NWD2: variants seen among roughly 807,000 people sequenced by gnomAD.
NWD2 encodes the protein NACHT and WD repeat domain containing 2.
A neutral mutation model predicts 132.7 loss-of-function variants in NWD2; 37 were observed. That is an observed-to-expected ratio of 0.28 (90% CI 0.21 to 0.37). The LOEUF (loss-of-function observed/expected upper bound fraction) is 0.37. Among genes scored for constraint, NWD2 ranks in the 10% least tolerant of loss-of-function variants. The pLI, the probability that NWD2 is intolerant of heterozygous loss-of-function variation, is 1.00. For synonymous variants in NWD2, 705 were observed against 803.0 expected, an observed-to-expected ratio of 0.88 and a Z score of 2.06; for missense variants, 1,592 against 2,122.4, an observed-to-expected ratio of 0.75 and a Z score of 4.91.
chr4:37,256,778 T>C (rs1263017812), intron 1 of NWD2, among the ~76,000 whole-genome samples: 1 of 152,144 alleles, frequency 6.6e-6, no homozygotes, highest in African/African-American at 2.4e-5. Flanking sequence ...CTCTCTCCTC[T>C]AAGAAGCTAC....
intron 1 of NWD2, among the ~76,000 whole-genome samples, chr4:37,250,767 G>A (rs966607473): frequency 4.6e-5 from 7 of 152,162 alleles, no homozygotes; most frequent in East Asian, 1.9e-4. Flanking sequence ...TATGTTCTGG[G>A]AAATGTGTCC....
At chr4:37,398,829 T>C (rs1356902483) in intron 3 of NWD2, among the ~76,000 whole-genome samples, 3 of 152,222 alleles carry the variant, frequency 2.0e-5, no homozygotes, top group African/African-American at 7.2e-5. Flanking sequence ...TTGCTTTTTT[T>C]TTCCACATTA....
rs1357360674 is a variant in NWD2, at chr4:37,446,397, C to T, written c.4409C>T (p.Thr1470Ile). Residue 1470 changes from threonine (T) to isoleucine (I), a missense_variant, in exon 7 of 7, where the codon ACC becomes ATC. Around this residue, in one of 7 missense-constraint regions of NWD2, gnomAD observed 24 missense variants for 65.2 expected, o/e 0.37. Transcript: ENST00000309447. The surrounding 1 kb of genome is among the most constrained non-coding windows in gnomAD (Gnocchi z 6.7). Reference protein sequence around the residue: ...LAVSLWTGSITKKFCCEDGTT... With the variant: ...LAVSLWTGSIIKKFCCEDGTT... ...GTCAGTCTTTGGACAGGAAGTATCA[C>T]CAAGAAATTTTGCTGTGAAGATGGG... is the stretch of plus-strand genomic sequence containing the variant. 5 of 1,551,626 alleles carry T rather than the reference C, an allele frequency of 3.2e-6. No individual in the cohort carries two copies. Among genetic ancestry groups the T allele is most frequent in the Non-Finnish European group, 4.4e-6 (5 of 1,147,024 alleles).
At position 37,444,664 on chromosome 4, in the gene NWD2, G is replaced by A; in HGVS notation, c.2676G>A (p.Leu892=). Residue 892 remains leucine (L), a synonymous_variant, in exon 7 of 7, where the codon CTG becomes CTA. Coordinates refer to ENST00000309447, the MANE Select transcript of NWD2 (RefSeq NM_001144990.2). This position sits in a 1 kb window ranked among gnomAD's most constrained non-coding sequence, Gnocchi z 4.8. ...NYSQEKELKF[L]ANTLRSIKNK... is the part of the protein sequence containing the mutation. ...CGCAAGAGAAGGAGCTGAAGTTCCT[G>A]GCCAACACCCTCCGCAGCATCAAAA... 1 of 1,552,156 alleles carries A rather than the reference G, an allele frequency of 6.4e-7. No homozygotes were observed. Among genetic ancestry groups the A allele is most frequent in the African/African-American group, 1.4e-5 (1 of 73,138 alleles).
intron 1 of NWD2, among the ~76,000 whole-genome samples, chr4:37,314,036 A>C (rs1718908748): frequency 6.6e-6 from 1 of 152,056 alleles, no homozygotes; most frequent in Non-Finnish European, 1.5e-5. Flanking sequence ...TGATTTTGTC[A>C]AATGCTTTTT....
At chr4:37,348,930 G>A (rs186564405) in intron 2 of NWD2, among the ~76,000 whole-genome samples, 171 of 151,644 alleles carry the variant, frequency 1.1e-3, no homozygotes, top group African/African-American at 4.0e-3. Context: ...GAGACATGTC[G>A]TGTTTGGTTT....
rs993184087 is a variant in NWD2 at position 37,405,561 on chromosome 4, C to A, written c.358-25011C>A. On this transcript the variant is annotated intron_variant, in intron 3 of 6. Transcript: ENST00000309447. ...GGTGAAAGAAATTACTGAATCCACT[C>A]CCAGAATTTCTGATTCTATAGGTCT... is the stretch of plus-strand genomic sequence containing the variant. Among the ~76,000 whole-genome samples the A allele has an allele frequency of 5.3e-5, 8 of 152,318 alleles. No homozygotes were observed. In the East Asian group the frequency reaches 7.7e-4, roughly 15 times the overall value.
At chr4:37,321,841 G>A (rs534115681) in intron 1 of NWD2, among the ~76,000 whole-genome samples, 1 of 152,054 alleles carries the variant, frequency 6.6e-6, no homozygotes, top group Non-Finnish European at 1.5e-5. Context: ...TAAGAGCACA[G>A]AAAACCCATT....
Position 37,439,302 on chromosome 4 carries a change from C to T in NWD2, c.1208C>T (p.Pro403Leu). Residue 403 changes from proline (P) to leucine (L), a missense_variant, in exon 6 of 7, where the codon CCA becomes CTA. By Grantham distance (98) the Pro-to-Leu change is moderately conservative. Coordinates refer to ENST00000309447, the MANE Select transcript of NWD2 (RefSeq NM_001144990.2). This position sits in a 1 kb window ranked among gnomAD's most constrained non-coding sequence, Gnocchi z 4.5. ...AACATAGTGCATAACTACATTCTTC[C>T]AAGCAAAGCTGGACACATCAACCCT... ...SLNIVHNYILPSKAGHINPLI... is the reference protein window; with the variant it reads ...SLNIVHNYILLSKAGHINPLI... 4.5e-6 allele frequency: 7 copies of T among 1,550,722 alleles called. No individual in the cohort carries two copies. The highest frequency in any genetic ancestry group is 5.2e-6 in the Non-Finnish European group (6 of 1,146,762).
intron 1 of NWD2, among the ~76,000 whole-genome samples, chr4:37,256,284 G>C (rs1325730619): frequency 6.6e-6 from 1 of 152,144 alleles, no homozygotes; most frequent in Non-Finnish European, 1.5e-5. Context: ...GTTTTATTTG[G>C]GCAAAGCAGA....
chr4:37,362,894 A>G (rs1720009196), intron 3 of NWD2, among the ~76,000 whole-genome samples: 1 of 152,114 alleles, frequency 6.6e-6, no homozygotes, highest in Non-Finnish European at 1.5e-5. Context: ...ATGGGAGAAA[A>G]TGTTCAAAAA....
intron 1 of NWD2, among the ~76,000 whole-genome samples, chr4:37,264,770 T>C (rs1244306873): frequency 6.7e-6 from 1 of 148,752 alleles, no homozygotes; most frequent in East Asian, 1.9e-4. Context: ...AATTTTCCAT[T>C]TTAGTTGTAA....
At chr4:37,307,970 A>G (rs1178927787) in intron 1 of NWD2, among the ~76,000 whole-genome samples, 1 of 152,028 alleles carries the variant, frequency 6.6e-6, no homozygotes, top group African/African-American at 2.4e-5. Context: ...TGTGATATCT[A>G]TGTATTAAAT....
intron 2 of NWD2, among the ~76,000 whole-genome samples, chr4:37,342,984 T>C (rs1719560410): frequency 6.6e-6 from 1 of 152,110 alleles, no homozygotes; most frequent in Non-Finnish European, 1.5e-5. Flanking sequence ...AAGAGAATAA[T>C]TGCAAGTGAC....
At chr4:37,313,053 C>T (rs1314492765) in intron 1 of NWD2, among the ~76,000 whole-genome samples, 1 of 151,134 alleles carries the variant, frequency 6.6e-6, no homozygotes, top group African/African-American at 2.5e-5. Context: ...AGGATTTTTG[C>T]ATCAATGTTC....
intron 1 of NWD2, among the ~76,000 whole-genome samples, chr4:37,256,296 A>G (rs564603109): frequency 1.4e-4 from 22 of 152,370 alleles, no homozygotes; most frequent in African/African-American, 5.3e-4. Flanking sequence ...CAAAGCAGAG[A>G]AGACAAGTCA....
chr4:37,396,333 G>A (rs1350267559), intron 3 of NWD2, among the ~76,000 whole-genome samples: 3 of 152,158 alleles, frequency 2.0e-5, no homozygotes, highest in African/African-American at 4.8e-5. Flanking sequence ...TGGCCCTGTT[G>A]GATGAAGTCC....
chr4:37,270,124 G>T (rs1158147633), intron 1 of NWD2, among the ~76,000 whole-genome samples: 2 of 151,570 alleles, frequency 1.3e-5, no homozygotes, highest in Non-Finnish European at 3.0e-5. Context: ...TTCTTCTGAG[G>T]TATATGTTCA....
chr4:37,341,383 G>A (rs774138620), intron 2 of NWD2, among the ~76,000 whole-genome samples: 1 of 152,222 alleles, frequency 6.6e-6, no homozygotes, highest in Non-Finnish European at 1.5e-5. Flanking sequence ...TGTAAGTAGA[G>A]AAGAATCTAT....
Sources: gnomAD v4.1 joint callset for allele counts (sites outside exome capture counted in the v4.1 genomes callset) on GRCh38, gnomAD v4.1.1 for gene constraint, gnomAD v4.1.1 regional missense constraint, Gnocchi (gnomAD v3.1) non-coding constraint, MANE v1.5 for transcripts, NCBI Gene and HGNC (gene_info 2026-07-23, HGNC 2026-07-21) for gene names.